CPA6: variants seen among roughly 807,000 people sequenced by gnomAD.
CPA6 encodes carboxypeptidase B.
CPA6 carries 58 observed loss-of-function variants against 63.3 expected under a neutral mutation model. The observed-to-expected ratio is 0.92, with a 90% CI of 0.74 to 1.14. The LOEUF (loss-of-function observed/expected upper bound fraction) is 1.14, where lower values mean the gene tolerates loss of function less well. Among genes scored for constraint, CPA6 ranks in the 50% most tolerant of loss-of-function variants. The pLI, the probability that CPA6 is intolerant of heterozygous loss-of-function variation, is 0.00. For synonymous variants in CPA6, 185 were observed against 179.0 expected (o/e 1.03, Z -0.27); for missense variants, 565 against 526.6 (o/e 1.07, Z -0.71).
chr8:67,445,045 A>G (rs531377889), intron 8 of CPA6, among the ~76,000 whole-genome samples: 1 of 152,262 alleles, frequency 6.6e-6, no homozygotes, highest in Non-Finnish European at 1.5e-5. Context: ...GCTTTAGAAA[A>G]GTTAGTGGAG....
intron 8 of CPA6, among the ~76,000 whole-genome samples, chr8:67,460,885 T>C (rs1587450779): frequency 6.6e-6 from 1 of 152,036 alleles, no homozygotes; most frequent in Admixed American, 6.6e-5. Flanking sequence ...GGAGAGAAGA[T>C]GGGAGAGGCC....
intron 1 of CPA6, among the ~76,000 whole-genome samples, chr8:67,628,285 C>T (rs1815239362): frequency 6.6e-6 from 1 of 152,072 alleles, no homozygotes; most frequent in Non-Finnish European, 1.5e-5. Flanking sequence ...TTCTTCTGTG[C>T]CTTGACTGTG....
intron 1 of CPA6, among the ~76,000 whole-genome samples, chr8:67,639,460 G>A (rs1039561111): frequency 6.6e-6 from 1 of 151,650 alleles, no homozygotes; most frequent in African/African-American, 2.4e-5. Flanking sequence ...AGACTGTGCT[G>A]GGCCAGGCAG....
At chr8:67,448,696 AAAG>A (rs1418030166) in intron 8 of CPA6, among the ~76,000 whole-genome samples, 1 of 150,440 alleles carries the variant, frequency 6.6e-6, no homozygotes, top group Non-Finnish European at 1.5e-5. Flanking sequence ...AAAAGAAAAA[AAAG>A]AAAGAAAGAA....
At position 67,428,074 on chromosome 8, in the gene CPA6, T is replaced by G. The variant is rs774272382; in HGVS notation, c.1099A>C (p.Arg367=). 2.5e-6 allele frequency: 4 copies of G among 1,613,178 alleles called. No homozygotes were observed. Among genetic ancestry groups the G allele is most frequent in the Non-Finnish European group, 3.4e-6 (4 of 1,179,224 alleles). Reference sequence around the variant, plus strand: ...AACGTTGTGGAGGCTGGTCCATATCTGTATCGTACCCCGTATACTGACTGA... The same window carrying G: ...AACGTTGTGGAGGCTGGTCCATATCGGTATCGTACCCCGTATACTGACTGA... The part of the protein sequence containing the change: ...ALQSVYGVRY[R]YGPASTTLYV... The change falls in exon 10 of 11, where the codon AGA becomes CGA. Residue 367 remains arginine, a synonymous_variant. Transcript: ENST00000297770.
chr8:67,565,417 C>T (rs1813313970), intron 2 of CPA6, among the ~76,000 whole-genome samples: 1 of 152,160 alleles, frequency 6.6e-6, no homozygotes, highest in Non-Finnish European at 1.5e-5. Flanking sequence ...GAAAATGACA[C>T]TCACTTTGAA....
chr8:67,586,635 C>T (rs1471797416), intron 2 of CPA6, among the ~76,000 whole-genome samples: 1 of 152,082 alleles, frequency 6.6e-6, no homozygotes, highest in East Asian at 1.9e-4. Flanking sequence ...CGTTCTGTGG[C>T]TGTAAATGTT....
At chr8:67,584,041 C>T (rs984362262) in intron 2 of CPA6, among the ~76,000 whole-genome samples, 2 of 152,096 alleles carry the variant, frequency 1.3e-5, no homozygotes, top group Non-Finnish European at 2.9e-5. Context: ...GCCTGTAATC[C>T]CAGCTACTTG....
chr8:67,705,607 T>C (rs1220865699), intron 1 of CPA6, among the ~76,000 whole-genome samples: 1 of 152,190 alleles, frequency 6.6e-6, no homozygotes, highest in Non-Finnish European at 1.5e-5. Context: ...CTTTCCAAGA[T>C]GGGTGTCTGC....
chr8:67,658,230 T>C (rs1038685866), intron 1 of CPA6, among the ~76,000 whole-genome samples: 4 of 152,210 alleles, frequency 2.6e-5, no homozygotes, highest in African/African-American at 9.6e-5. Flanking sequence ...TGCCACTGCT[T>C]TGTGTATCAT....
chr8:67,604,416 C>T (rs1814573220), intron 2 of CPA6, among the ~76,000 whole-genome samples: 1 of 152,178 alleles, frequency 6.6e-6, no homozygotes, highest in Non-Finnish European at 1.5e-5. Flanking sequence ...TCAAATGCCA[C>T]ATTTTTAATG....
chr8:67,630,465 T>C (rs1563368648), intron 1 of CPA6, among the ~76,000 whole-genome samples: 2 of 152,170 alleles, frequency 1.3e-5, no homozygotes, highest in Non-Finnish European at 2.9e-5. Flanking sequence ...GTCAAAGTTA[T>C]AGCAAAATGA....
At chr8:67,632,344 A>C (rs2128988354) in intron 1 of CPA6, among the ~76,000 whole-genome samples, 1 of 151,084 alleles carries the variant, frequency 6.6e-6, no homozygotes, top group Non-Finnish European at 1.5e-5. Context: ...CTAATTAAAA[A>C]CTTTTTTTTA....
rs574219227 is a variant in CPA6 at position 67,675,712 on chromosome 8, G to C, written c.117-51461C>G. Among the ~76,000 whole-genome samples the C allele has an allele frequency of 2.0e-4, 30 of 152,304 alleles. No individual in the cohort carries two copies. In the Middle Eastern group the frequency reaches 0.01, roughly 52 times the overall value. Reference sequence around the variant, plus strand: ...GAGAGTCATTTGTGGACTGTGGAGGGGGCTTTTTGCAAGCCCTCAAATCGC... The same window carrying C: ...GAGAGTCATTTGTGGACTGTGGAGGCGGCTTTTTGCAAGCCCTCAAATCGC... On this transcript the variant is annotated intron_variant, in intron 1 of 10. Transcript: ENST00000297770.
chr8:67,552,080 C>G (rs1313347391), intron 2 of CPA6, among the ~76,000 whole-genome samples: 1 of 152,190 alleles, frequency 6.6e-6, no homozygotes. Flanking sequence ...AAAAAATTCT[C>G]TTAGTTCTCT....
intron 2 of CPA6, among the ~76,000 whole-genome samples, chr8:67,580,504 A>G (rs922981575): frequency 6.6e-6 from 1 of 152,200 alleles, no homozygotes. Context: ...AAAAATAATC[A>G]AAACTGGGTT....
At chr8:67,553,544 C>T (rs142621410) in intron 2 of CPA6, among the ~76,000 whole-genome samples, 51 of 152,258 alleles carry the variant, frequency 3.3e-4, no homozygotes, top group Non-Finnish European at 6.3e-4. Context: ...TATGAGCATA[C>T]AGTCCTTCAT....
intron 2 of CPA6, among the ~76,000 whole-genome samples, chr8:67,596,277 T>A (rs891624470): frequency 2.6e-5 from 4 of 152,202 alleles, no homozygotes; most frequent in African/African-American, 4.8e-5. Flanking sequence ...TGAAAGATAT[T>A]TTTACTGGGC....
chr8:67,538,538 T>C (rs1812637359), intron 2 of CPA6, among the ~76,000 whole-genome samples: 1 of 147,814 alleles, frequency 6.8e-6, no homozygotes, highest in Non-Finnish European at 1.5e-5. Flanking sequence ...TTTTTTGCTT[T>C]CCATTTGGTT....
Sources: allele counts gnomAD v4.1 joint callset (sites outside exome capture counted in the v4.1 genomes callset), GRCh38; gene constraint gnomAD v4.1.1; transcripts MANE v1.5; gene names NCBI Gene and HGNC (gene_info 2026-07-23, HGNC 2026-07-21).